Variants in PCDH15 observed in about 807,000 individuals in gnomAD.
PCDH15 encodes protocadherin-15.
Under a neutral mutation model 178.5 loss-of-function variants are expected in PCDH15, and 129 were observed. The observed-to-expected ratio is 0.72, with a 90% confidence interval of 0.63 to 0.84. PCDH15 has a LOEUF of 0.84. Among genes scored for constraint, PCDH15 ranks in the 40% least tolerant of loss-of-function variants. The pLI is 0.00. For missense variants in PCDH15, 2,230 were observed against 2,099.9 expected, an observed-to-expected ratio of 1.06 and a Z score of -1.21; for synonymous variants, 800 against 732.0, an observed-to-expected ratio of 1.09 and a Z score of -1.50.
intron 1 of PCDH15, among the ~76,000 whole-genome samples, chr10:55,177,907 T>G (rs545383547): frequency 6.6e-6 from 1 of 152,282 alleles, no homozygotes; most frequent in African/African-American, 2.4e-5. Flanking sequence ...AAGCAGGGTA[T>G]GCAGTAGTCA....
At chr10:54,361,636 C>A (rs976244945) in intron 5 of PCDH15, among the ~76,000 whole-genome samples, 1 of 151,918 alleles carries the variant, frequency 6.6e-6, no homozygotes, top group Non-Finnish European at 1.5e-5. Flanking sequence ...AAAACTGAAA[C>A]CTATGCTGTG....
At chr10:54,456,923 T>C (rs2076861002) in intron 3 of PCDH15, among the ~76,000 whole-genome samples, 1 of 152,110 alleles carries the variant, frequency 6.6e-6, no homozygotes, top group South Asian at 2.1e-4. Context: ...TTACTTCCCC[T>C]TCTGACATGA....
intron 2 of PCDH15, among the ~76,000 whole-genome samples, chr10:54,541,490 CTCT>C (rs2085219995): frequency 6.6e-6 from 1 of 152,012 alleles, no homozygotes; most frequent in African/African-American, 2.4e-5. Flanking sequence ...AAATAAACAA[CTCT>C]TTTTTGATAC....
chr10:55,371,622 T>C (rs913765929), intron 2 of PCDH15, among the ~76,000 whole-genome samples: 4 of 152,036 alleles, frequency 2.6e-5, no homozygotes, highest in African/African-American at 9.7e-5. Flanking sequence ...TCTCTCTCTC[T>C]TTCTCTCCCA....
intron 2 of PCDH15, among the ~76,000 whole-genome samples, chr10:54,998,186 CATAAA>C (rs1452861070): frequency 5.3e-5 from 8 of 151,920 alleles, no homozygotes; most frequent in Admixed American, 5.2e-4. Context: ...AAAGTTTTGC[CATAAA>C]ATAAAATGAG....
intron 8 of PCDH15, among the ~76,000 whole-genome samples, chr10:54,309,397 A>G (rs2133452784): frequency 6.6e-6 from 1 of 151,946 alleles, no homozygotes; most frequent in African/African-American, 2.4e-5. Flanking sequence ...TTTAATTGAG[A>G]CTGAGAGGAC....
intron 10 of PCDH15, among the ~76,000 whole-genome samples, chr10:54,209,350 C>T (rs1223217568): frequency 2.0e-5 from 3 of 151,984 alleles, no homozygotes; most frequent in East Asian, 3.9e-4. Flanking sequence ...ATTTTAGAGA[C>T]TGCTTGTGTA....
chr10:55,484,586 A>C (rs113287916), intron 2 of PCDH15, among the ~76,000 whole-genome samples: 3,196 of 151,888 alleles, frequency 0.021, 109 homozygotes, highest in African/African-American at 0.073. Context: ...CAGATAGCCA[A>C]AGCAGCCTTG....
chr10:53,916,475 G>A (rs906745907), intron 25 of PCDH15, among the ~76,000 whole-genome samples: 2 of 152,006 alleles, frequency 1.3e-5, no homozygotes, highest in Non-Finnish European at 2.9e-5. Flanking sequence ...GAGTTCAAAC[G>A]GATACATTTA....
At chr10:54,337,410 C>A (rs1941392762) in intron 6 of PCDH15, among the ~76,000 whole-genome samples, 1 of 152,068 alleles carries the variant, frequency 6.6e-6, no homozygotes, top group African/African-American at 2.4e-5. Context: ...CCCATAATCC[C>A]CAAGTGTTGA....
At chr10:55,305,550 T>A (rs1235808524) in intron 1 of PCDH15, among the ~76,000 whole-genome samples, 1 of 152,106 alleles carries the variant, frequency 6.6e-6, no homozygotes, top group Non-Finnish European at 1.5e-5. Flanking sequence ...AAACAAAGAA[T>A]GGGAAGTTGA....
intron 2 of PCDH15, among the ~76,000 whole-genome samples, chr10:54,997,922 T>TA (rs1317135399): frequency 6.6e-6 from 1 of 152,260 alleles, no homozygotes; most frequent in East Asian, 1.9e-4. Context: ...AAGAAAGGGT[T>TA]ATGATATGCA....
intron 1 of PCDH15, among the ~76,000 whole-genome samples, chr10:54,736,921 G>A (rs1288598665): frequency 2.0e-5 from 3 of 152,006 alleles, no homozygotes; most frequent in Non-Finnish European, 4.4e-5. Context: ...TTGAAGGACT[G>A]TCTTCAAAAA....
At chr10:54,167,294 T>C (rs543778421) in intron 13 of PCDH15, among the ~76,000 whole-genome samples, 1 of 152,216 alleles carries the variant, frequency 6.6e-6, no homozygotes, top group South Asian at 2.1e-4. Context: ...CTCTTCTTAC[T>C]CTCTTCTCCA....
At position 53,802,974 on chromosome 10, in the gene PCDH15, C is replaced by A. The variant is rs1246217852; in HGVS notation, c.*3605G>T. The A allele has an allele frequency of 6.6e-6, 1 of 151,664 alleles. No homozygotes were observed. Among genetic ancestry groups the A allele is most frequent in the Non-Finnish European group, 1.5e-5 (1 of 67,774 alleles). The allele number at this position is 151,664 out of a possible 1,614,324, so 9.4% of individuals were successfully genotyped here. Reference sequence around the variant, plus strand: ...AATGTTCGAATCTTCCATACATGTGCTTAACTGACCATAAATTTAAAGTAG... The same window carrying A: ...AATGTTCGAATCTTCCATACATGTGATTAACTGACCATAAATTTAAAGTAG... On this transcript the variant is annotated 3_prime_UTR_variant, in exon 38 of 38. Transcript: ENST00000644397.
chr10:54,118,318 A>G (rs768679901), intron 15 of PCDH15, among the ~76,000 whole-genome samples: 1 of 152,206 alleles, frequency 6.6e-6, no homozygotes, highest in Non-Finnish European at 1.5e-5. Flanking sequence ...TCAGCTGGCT[A>G]GCCATACATA....
At chr10:55,395,081 T>C (rs1837887518) in intron 2 of PCDH15, among the ~76,000 whole-genome samples, 1 of 151,968 alleles carries the variant, frequency 6.6e-6, no homozygotes, top group Non-Finnish European at 1.5e-5. Context: ...AAAAAAATGA[T>C]TATCAAAGGG....
intron 2 of PCDH15, among the ~76,000 whole-genome samples, chr10:54,662,214 A>T (rs77532846): frequency 6.6e-6 from 1 of 151,996 alleles, no homozygotes; most frequent in African/African-American, 2.4e-5. Context: ...AACAAAACAT[A>T]TAACTCCATT....
At chr10:54,687,544 G>A (rs1431891515) in intron 1 of PCDH15, among the ~76,000 whole-genome samples, 2 of 151,918 alleles carry the variant, frequency 1.3e-5, no homozygotes, top group Admixed American at 6.6e-5. Flanking sequence ...TCTAACCTTG[G>A]GCTTCTCTTT....
Sources: allele counts gnomAD v4.1 joint callset (sites outside exome capture counted in the v4.1 genomes callset), GRCh38; gene constraint gnomAD v4.1.1; transcripts MANE v1.5; gene names NCBI Gene and HGNC (gene_info 2026-07-23, HGNC 2026-07-21).